Variants in SLC39A11 observed in about 807,000 individuals in gnomAD.
The protein encoded by SLC39A11 is zinc transporter ZIP11.
Under a neutral mutation model 36.1 loss-of-function variants are expected in SLC39A11, and 33 were observed. The ratio of observed to expected loss-of-function variants is 0.91; its 90% confidence interval spans 0.69 to 1.22. The LOEUF (loss-of-function observed/expected upper bound fraction) is 1.22. Ranked by LOEUF, SLC39A11 falls within the 50% of genes most tolerant of loss-of-function variation. The pLI, the probability that SLC39A11 is intolerant of heterozygous loss-of-function variation, is 0.00. For missense variants in SLC39A11, 432 were observed against 430.3 expected, an observed-to-expected ratio of 1.00 and a Z score of -0.03; for synonymous variants, 166 against 170.3, an observed-to-expected ratio of 0.97 and a Z score of 0.20.
In SLC39A11 at chr17:72,678,462, T is replaced by C. The variant is rs184216161; in HGVS notation, c.672-29194A>G. 4.6e-5 allele frequency among the ~76,000 whole-genome samples: 7 copies of C among 152,192 alleles called. No homozygotes were observed. In the East Asian group the frequency reaches 1.4e-3, roughly 29 times the overall value. ...TGGCTCACATCTGTAATCCTAGCACTTTGGGAGGCCGAGGCGGGCAGATCA... is the reference window on the plus strand; with the variant it reads ...TGGCTCACATCTGTAATCCTAGCACCTTGGGAGGCCGAGGCGGGCAGATCA... On this transcript the variant is annotated intron_variant, in intron 7 of 9. Coordinates refer to ENST00000255559, the MANE Select transcript of SLC39A11 (RefSeq NM_139177.4).
chr17:72,795,102 A>T (rs556883110), intron 6 of SLC39A11, among the ~76,000 whole-genome samples: 3 of 152,260 alleles, frequency 2.0e-5, no homozygotes, highest in Admixed American at 1.3e-4. Context: ...CTGTATTAAC[A>T]ATCTACTGCT....
At chr17:73,041,341 T>TGGG (rs1342453593) in intron 3 of SLC39A11, among the ~76,000 whole-genome samples, 2 of 152,224 alleles carry the variant, frequency 1.3e-5, no homozygotes, top group African/African-American at 4.8e-5. Flanking sequence ...GGCTGCCACC[T>TGGG]GGGGCTGAAG....
At chr17:72,649,643 TC>T (rs1412478346) in intron 7 of SLC39A11, among the ~76,000 whole-genome samples, 25 of 129,880 alleles carry the variant, frequency 1.9e-4, no homozygotes, top group Middle Eastern at 4.2e-3. Flanking sequence ...TTTTTCTTTT[TC>T]TTTTTTTTTT....
intron 6 of SLC39A11, among the ~76,000 whole-genome samples, chr17:72,740,038 T>C (rs989131806): frequency 6.7e-6 from 1 of 149,278 alleles, no homozygotes; most frequent in Non-Finnish European, 1.5e-5. Flanking sequence ...GCAAGCTAGA[T>C]AGAATTTCTT....
intron 7 of SLC39A11, among the ~76,000 whole-genome samples, chr17:72,705,719 C>T (rs1162829983): frequency 6.6e-6 from 1 of 152,178 alleles, no homozygotes; most frequent in Non-Finnish European, 1.5e-5. Context: ...CTGGGGGAAC[C>T]CTCTTCACCT....
intron 4 of SLC39A11, among the ~76,000 whole-genome samples, chr17:73,031,014 G>A (rs950019371): frequency 2.6e-5 from 4 of 152,108 alleles, no homozygotes; most frequent in Non-Finnish European, 4.4e-5. Flanking sequence ...ACAGTCCTTC[G>A]GGGGAGTTAT....
At chr17:72,659,208 C>T (rs916453645) in intron 7 of SLC39A11, among the ~76,000 whole-genome samples, 4 of 152,196 alleles carry the variant, frequency 2.6e-5, no homozygotes, top group Admixed American at 1.3e-4. Flanking sequence ...ATCTGATACA[C>T]AGCAAAAGAC....
intron 4 of SLC39A11, among the ~76,000 whole-genome samples, chr17:72,970,157 T>C (rs2087333610): frequency 6.6e-6 from 1 of 152,158 alleles, no homozygotes; most frequent in African/African-American, 2.4e-5. Context: ...TGGAGAAAAA[T>C]CATCAATAAG....
chr17:72,662,656 G>GA (rs958139718), intron 7 of SLC39A11, among the ~76,000 whole-genome samples: 3 of 41,226 alleles, frequency 7.3e-5, no homozygotes, highest in Non-Finnish European at 1.4e-4. Context: ...AAAGAAAAAA[G>GA]AAAAGAAAAA....
In SLC39A11 at chr17:72,849,722, A is replaced by C. The variant is rs1483381872; in HGVS notation, c.513T>G (p.Pro171=). The C allele has an allele frequency of 6.2e-7, 1 of 1,611,744 alleles. No homozygotes were observed. The highest frequency in any genetic ancestry group is 8.5e-7 in the Non-Finnish European group (1 of 1,179,160). ...CGGGCTGTGCCAGATTCCCTCGAGA[A>C]GGCACAGGGACAGCAGGACCCTCTG... is the stretch of plus-strand genomic sequence containing the variant. The part of the protein sequence containing the change: ...GLPEGPAVPV[P]SRGNLAQPGG... The change falls in exon 6 of 10, where the codon CCT becomes CCG. Residue 171 remains proline, a synonymous_variant. Coordinates refer to ENST00000255559, the MANE Select transcript of SLC39A11 (RefSeq NM_139177.4).
At chr17:72,765,875 G>T (rs966983850) in intron 6 of SLC39A11, among the ~76,000 whole-genome samples, 3 of 152,182 alleles carry the variant, frequency 2.0e-5, no homozygotes, top group Non-Finnish European at 4.4e-5. Context: ...TAATGGGAAA[G>T]TTTTCAACAA....
At chr17:72,941,995 C>G (rs1207131940) in intron 5 of SLC39A11, among the ~76,000 whole-genome samples, 2 of 151,918 alleles carry the variant, frequency 1.3e-5, no homozygotes, top group African/African-American at 4.8e-5. Flanking sequence ...ATTCTCCTGC[C>G]TCAGCCTCCC....
At chr17:72,881,700 C>T (rs1170768275) in intron 5 of SLC39A11, among the ~76,000 whole-genome samples, 1 of 152,154 alleles carries the variant, frequency 6.6e-6, no homozygotes, top group Non-Finnish European at 1.5e-5. Context: ...TTGATTTGGA[C>T]ATTTCTAAGT....
intron 6 of SLC39A11, among the ~76,000 whole-genome samples, chr17:72,744,032 C>A (rs2074827909): frequency 6.6e-6 from 1 of 152,246 alleles, no homozygotes; most frequent in African/African-American, 2.4e-5. Flanking sequence ...CTGCCTGCCT[C>A]TCTCCACCTC....
intron 7 of SLC39A11, among the ~76,000 whole-genome samples, chr17:72,690,564 C>T (rs2071981642): frequency 6.6e-6 from 1 of 152,212 alleles, no homozygotes; most frequent in African/African-American, 2.4e-5. Context: ...CCCAAATGTC[C>T]ATCAGCTTAT....
intron 7 of SLC39A11, among the ~76,000 whole-genome samples, chr17:72,697,845 C>A (rs774740658): frequency 6.6e-6 from 1 of 151,470 alleles, no homozygotes; most frequent in Non-Finnish European, 1.5e-5. Context: ...GGATGAGATA[C>A]CACACAATAC....
chr17:73,036,105 T>TA (rs973051976), intron 3 of SLC39A11, among the ~76,000 whole-genome samples: 9 of 152,184 alleles, frequency 5.9e-5, no homozygotes, highest in African/African-American at 2.2e-4. Flanking sequence ...TTGTCCCAGT[T>TA]AAAATCACTG....
intron 3 of SLC39A11, among the ~76,000 whole-genome samples, chr17:73,061,670 C>G (rs1160702126): frequency 6.6e-6 from 1 of 152,202 alleles, no homozygotes; most frequent in African/African-American, 2.4e-5. Context: ...ACTACTTGGT[C>G]TTTTCTGAGT....
chr17:72,846,006 C>T (rs1165093343), intron 6 of SLC39A11, among the ~76,000 whole-genome samples: 1 of 129,176 alleles, frequency 7.7e-6, no homozygotes, highest in East Asian at 2.1e-4. Context: ...ATGAATCTCT[C>T]TCTCTCTCTC....
Sources: allele counts gnomAD v4.1 joint callset (sites outside exome capture counted in the v4.1 genomes callset), GRCh38; gene constraint gnomAD v4.1.1; transcripts MANE v1.5; gene names NCBI Gene and HGNC (gene_info 2026-07-23, HGNC 2026-07-21).